The following ALPK2 variants were observed in gnomAD, a reference collection of about 807,000 sequenced individuals.
The protein encoded by ALPK2 is alpha-protein kinase 2.
A neutral mutation model predicts 163.1 loss-of-function variants in ALPK2; 127 were observed. That is an observed-to-expected ratio of 0.78 (90% CI 0.67 to 0.90). The LOEUF is 0.90. ALPK2 is among the 40% of genes least tolerant of loss of function. The pLI is 0.00. For synonymous variants in ALPK2, 953 were observed against 959.1 expected, an observed-to-expected ratio of 0.99 and a Z score of 0.12; for missense variants, 2,360 against 2,589.6, an observed-to-expected ratio of 0.91 and a Z score of 1.92.
At position 58,504,019 on chromosome 18, in the gene ALPK2, T is replaced by C. The variant is rs530898856; in HGVS notation, c.6159A>G (p.Arg2053=). 1 of 1,614,218 alleles carries C rather than the reference T, an allele frequency of 6.2e-7. No individual in the cohort carries two copies. Among genetic ancestry groups the C allele is most frequent in the South Asian group, 1.1e-5 (1 of 91,088 alleles). The change falls in exon 11 of 13, where the codon AGA becomes AGG. Residue 2053 remains arginine (R), a synonymous_variant. Transcript: ENST00000361673. Reference sequence around the variant, plus strand: ...AACATTTCTGACCAGCTTCTGATTCTCTTCTCAAGAAGTTTATTTCTTTCC... The same window carrying C: ...AACATTTCTGACCAGCTTCTGATTCCCTTCTCAAGAAGTTTATTTCTTTCC... ...RDGKEINFLR[R]ESEAGQKCCT...
chr18:58,599,328 T>C (rs1319642695), intron 3 of ALPK2, among the ~76,000 whole-genome samples: 1 of 152,180 alleles, frequency 6.6e-6, no homozygotes, highest in Non-Finnish European at 1.5e-5. Context: ...GTCATGGCCC[T>C]GATGCGTGCC....
At chr18:58,515,573 T>A (rs1157018159) in intron 9 of ALPK2, among the ~76,000 whole-genome samples, 1 of 152,202 alleles carries the variant, frequency 6.6e-6, no homozygotes, top group Non-Finnish European at 1.5e-5. Context: ...AGAATCCAGA[T>A]GCTGGGAGGT....
intron 1 of ALPK2, among the ~76,000 whole-genome samples, chr18:58,623,864 A>T (rs140595651): frequency 2.3e-4 from 35 of 151,772 alleles, no homozygotes; most frequent in East Asian, 5.8e-4. Context: ...ATTTTTTTTT[A>T]AATTTTTTCT....
chr18:58,512,745 G>T (rs1267095748), intron 10 of ALPK2, among the ~76,000 whole-genome samples: 1 of 66,632 alleles, frequency 1.5e-5, no homozygotes, highest in African/African-American at 3.4e-5. Context: ...GTGTTATGTG[G>T]TGTGTGTTGT....
At chr18:58,623,498 C>T (rs2052213116) in intron 1 of ALPK2, among the ~76,000 whole-genome samples, 1 of 152,002 alleles carries the variant, frequency 6.6e-6, no homozygotes, top group Non-Finnish European at 1.5e-5. Flanking sequence ...ATAGGGTCTC[C>T]CTCTTTCACC....
At chr18:58,492,519 GCT>G (rs1299512099) in intron 12 of ALPK2, among the ~76,000 whole-genome samples, 2 of 152,076 alleles carry the variant, frequency 1.3e-5, no homozygotes, top group Admixed American at 6.5e-5. Context: ...GTCCACTCAG[GCT>G]CTGTCACCCC....
intron 3 of ALPK2, 67 bp from the exon 4 acceptor site, chr18:58,580,615 A>G (rs2051953867): frequency 2.3e-6 from 3 of 1,297,662 alleles, no homozygotes; most frequent in Admixed American, 1.9e-5. Context: ...TTTTCACACC[A>G]TGGCACACAG....
intron 10 of ALPK2, among the ~76,000 whole-genome samples, chr18:58,512,793 G>T (rs564713386): frequency 3.7e-5 from 5 of 134,986 alleles, no homozygotes; most frequent in African/African-American, 5.5e-5. Context: ...GGTGTGTGGG[G>T]GTGTGTGTGA....
Position 58,524,078 on chromosome 18 carries a change from T to A in ALPK2, c.5502-16A>T, listed in dbSNP as rs756706062. The A allele has an allele frequency of 4.4e-6, 7 of 1,604,982 alleles. No individual in the cohort carries two copies. The Admixed American group carries it at 8.4e-5, about 19-fold the overall frequency. On this transcript the variant is annotated splice_polypyrimidine_tract_variant and intron_variant, in intron 6 of 12. Coordinates refer to ENST00000361673, the MANE Select transcript of ALPK2 (RefSeq NM_052947.4). The stretch of plus-strand genomic sequence containing the variant: ...GTCCCCTGCACTGCAATGAGGAATA[T>A]TCACATTGACACACTTCATCATTCT...
chr18:58,512,825 AGGT>A (rs1231093133), intron 10 of ALPK2, among the ~76,000 whole-genome samples: 2 of 82,146 alleles, frequency 2.4e-5, no homozygotes, highest in Non-Finnish European at 4.8e-5. Flanking sequence ...TGCATGTATG[AGGT>A]GTGTGTGTGT....
At chr18:58,574,153 T>C (rs2051906190) in intron 4 of ALPK2, among the ~76,000 whole-genome samples, 4 of 151,794 alleles carry the variant, frequency 2.6e-5, no homozygotes, top group Admixed American at 2.6e-4. Flanking sequence ...AAGTGCAAGA[T>C]TTGGATGGTG....
chr18:58,548,221 C>T (rs193084720), intron 4 of ALPK2, among the ~76,000 whole-genome samples: 6 of 152,088 alleles, frequency 3.9e-5, no homozygotes, highest in African/African-American at 9.6e-5. Flanking sequence ...CAAAAAATGG[C>T]GAGAAAATGC....
At chr18:58,576,100 G>A (rs2051920428) in intron 4 of ALPK2, among the ~76,000 whole-genome samples, 1 of 152,182 alleles carries the variant, frequency 6.6e-6, no homozygotes, top group African/African-American at 2.4e-5. Context: ...TTGACCGAGC[G>A]TGGTGGCTCA....
At chr18:58,586,390 T>G (rs1466407658) in intron 3 of ALPK2, among the ~76,000 whole-genome samples, 1 of 152,202 alleles carries the variant, frequency 6.6e-6, no homozygotes, top group Non-Finnish European at 1.5e-5. Context: ...CTTGTCTGAA[T>G]CAACTTTTTC....
Position 58,487,694 on chromosome 18 carries a change from A to G in ALPK2, c.6297-5655T>C, listed in dbSNP as rs575926689. Among the ~76,000 whole-genome samples, 124 of 152,244 alleles carry G rather than the reference A, an allele frequency of 8.1e-4. 1 individual carries two copies. Among genetic ancestry groups the G allele is most frequent in the African/African-American group, 2.9e-3 (121 of 41,544 alleles). ...GTGAATCTATCCATCCTCTCTCACA[A>G]TGTCCAGAATTGGAACACTAAATGT... is the stretch of plus-strand genomic sequence containing the variant. On this transcript the variant is annotated intron_variant, in intron 12 of 12. Coordinates refer to ENST00000361673, the MANE Select transcript of ALPK2 (RefSeq NM_052947.4).
intron 4 of ALPK2, among the ~76,000 whole-genome samples, chr18:58,575,679 G>A (rs761831523): frequency 1.3e-5 from 2 of 152,212 alleles, no homozygotes; most frequent in African/African-American, 2.4e-5. Flanking sequence ...AAGGTGAAGA[G>A]TTGGCAGTGT....
intron 12 of ALPK2, among the ~76,000 whole-genome samples, chr18:58,487,509 G>A (rs548087130): frequency 1.3e-5 from 2 of 152,278 alleles, no homozygotes; most frequent in East Asian, 3.9e-4. Flanking sequence ...ATTTGTTATG[G>A]CAGCCCTAGG....
At chr18:58,546,652 C>T (rs1421295945) in intron 4 of ALPK2, among the ~76,000 whole-genome samples, 3 of 152,046 alleles carry the variant, frequency 2.0e-5, no homozygotes, top group Non-Finnish European at 4.4e-5. Context: ...ACATTGCAAA[C>T]GAAGGGATAT....
chr18:58,590,757 A>G (rs2052010963), intron 3 of ALPK2, among the ~76,000 whole-genome samples: 1 of 152,202 alleles, frequency 6.6e-6, no homozygotes, highest in African/African-American at 2.4e-5. Flanking sequence ...AACAATGAGG[A>G]GATTCCTCAT....
Sources: gnomAD v4.1 joint callset for allele counts (sites outside exome capture counted in the v4.1 genomes callset) on GRCh38, gnomAD v4.1.1 for gene constraint, MANE v1.5 for transcripts, NCBI Gene and HGNC (gene_info 2026-07-23, HGNC 2026-07-21) for gene names.